Variants in TANC2 observed in about 807,000 individuals in gnomAD.
The protein encoded by TANC2 is protein TANC2.
Under a neutral mutation model 210.5 loss-of-function variants are expected in TANC2, and 26 were observed. That is an observed-to-expected ratio of 0.12 (90% CI 0.09 to 0.17). The LOEUF (loss-of-function observed/expected upper bound fraction) is 0.17, where lower values mean the gene tolerates loss of function less well. TANC2 is among the 10% of genes least tolerant of loss of function. The pLI is 1.00. For missense variants in TANC2, 2,129 were observed against 2,608.9 expected (o/e 0.82, Z 4.01); for synonymous variants, 931 against 967.1 (o/e 0.96, Z 0.69).
intron 18 of TANC2, 49 bp from the exon 19 acceptor site, chr17:63,398,771 TA>T (rs1321791123): frequency 9.9e-6 from 13 of 1,309,122 alleles, no homozygotes; most frequent in Non-Finnish European, 1.4e-5. Flanking sequence ...CTAGTGTCAG[TA>T]GCATAGTTTT....
chr17:63,125,979 G>A (rs2038692497), intron 4 of TANC2, among the ~76,000 whole-genome samples: 1 of 152,152 alleles, frequency 6.6e-6, no homozygotes, highest in Non-Finnish European at 1.5e-5. Context: ...GTGTCCTTGG[G>A]CAAGTAACTT....
chr17:62,988,329 G>A (rs1488840282), intron 1 of TANC2, among the ~76,000 whole-genome samples: 2 of 149,898 alleles, frequency 1.3e-5, no homozygotes, highest in Non-Finnish European at 3.0e-5. Flanking sequence ...GTAGAGATGG[G>A]GTTTCGCCAT....
intron 2 of TANC2, among the ~76,000 whole-genome samples, chr17:63,037,701 C>T (rs536201548): frequency 3.3e-5 from 5 of 152,202 alleles, no homozygotes; most frequent in African/African-American, 9.6e-5. Context: ...GTAATCCCAG[C>T]TACTCGGGAG....
intron 9 of TANC2, among the ~76,000 whole-genome samples, chr17:63,297,019 C>A (rs1358722611): frequency 1.3e-5 from 2 of 151,998 alleles, no homozygotes; most frequent in African/African-American, 4.8e-5. Flanking sequence ...AGCAAACAAA[C>A]AAACTTGAGC....
At chr17:63,394,174 C>G (rs916856387) in intron 17 of TANC2, among the ~76,000 whole-genome samples, 3 of 152,164 alleles carry the variant, frequency 2.0e-5, no homozygotes, top group Admixed American at 2.0e-4. Flanking sequence ...GGAAAGCGAT[C>G]CCTTCTCCCC....
chr17:63,215,902 A>G (rs1350500512), intron 7 of TANC2, among the ~76,000 whole-genome samples: 1 of 152,074 alleles, frequency 6.6e-6, no homozygotes, highest in East Asian at 1.9e-4. Flanking sequence ...GGCGTCCGCC[A>G]CCACGCCCAG....
At chr17:63,076,863 G>A (rs2036589039) in intron 3 of TANC2, among the ~76,000 whole-genome samples, 2 of 151,894 alleles carry the variant, frequency 1.3e-5, no homozygotes, top group African/African-American at 2.4e-5. Context: ...TAGAGCAAAA[G>A]GACAAAAATA....
chr17:63,200,681 T>C, intron 6 of TANC2, 90 bp from the exon 7 acceptor site: 1 of 1,213,992 alleles, frequency 8.2e-7, no homozygotes, highest in Non-Finnish European at 1.1e-6. Flanking sequence ...GCATGTAGTT[T>C]TTTTTTTCAT....
intron 4 of TANC2, among the ~76,000 whole-genome samples, chr17:63,123,256 G>A (rs773313422): frequency 1.8e-4 from 28 of 152,084 alleles, no homozygotes; most frequent in South Asian, 4.2e-4. Flanking sequence ...GTGGTAGGAC[G>A]ATATAAGAGG....
intron 1 of TANC2, among the ~76,000 whole-genome samples, chr17:63,001,493 A>G (rs138564959): frequency 2.8e-4 from 43 of 151,314 alleles, no homozygotes; most frequent in Non-Finnish European, 1.5e-5. Flanking sequence ...AAAAAGATTA[A>G]TAAGACCAGG....
intron 1 of TANC2, among the ~76,000 whole-genome samples, chr17:62,981,693 A>G (rs1167157790): frequency 6.6e-6 from 1 of 152,128 alleles, no homozygotes; most frequent in Non-Finnish European, 1.5e-5. Context: ...TTCAAACACT[A>G]GCTGCAAACT....
intron 8 of TANC2, among the ~76,000 whole-genome samples, chr17:63,265,917 C>G (rs964372924): frequency 1.3e-5 from 2 of 151,938 alleles, no homozygotes; most frequent in African/African-American, 4.8e-5. Context: ...CCTTTTAGTT[C>G]TTTTCACCTT....
chr17:63,274,536 A>G (rs1488308374), intron 9 of TANC2, among the ~76,000 whole-genome samples: 3 of 152,192 alleles, frequency 2.0e-5, no homozygotes, highest in Non-Finnish European at 4.4e-5. Flanking sequence ...AAATTAGGCT[A>G]GGCATGGTGG....
intron 5 of TANC2, among the ~76,000 whole-genome samples, chr17:63,176,322 T>C (rs1234146737): frequency 6.6e-6 from 1 of 152,158 alleles, no homozygotes; most frequent in African/African-American, 2.4e-5. Flanking sequence ...CAACAAAATG[T>C]GGTATCCATA....
At chr17:63,005,893 AGTTTGTGTGTGTGTGTGT>A (rs1328965277) in intron 1 of TANC2, among the ~76,000 whole-genome samples, 17 of 121,114 alleles carry the variant, frequency 1.4e-4, no homozygotes, top group African/African-American at 5.2e-4. Context: ...CTGGCTGTAT[AGTTTGTGTGTGTGTGTGT>A]GTGTGTGTGT....
intron 14 of TANC2, among the ~76,000 whole-genome samples, chr17:63,358,555 A>G (rs1202068675): frequency 2.6e-5 from 4 of 152,094 alleles, no homozygotes; most frequent in African/African-American, 9.7e-5. Flanking sequence ...ACTGTTCATC[A>G]CTGTCAGCCT....
intron 6 of TANC2, among the ~76,000 whole-genome samples, chr17:63,198,524 A>G (rs1380495293): frequency 6.6e-6 from 1 of 152,148 alleles, no homozygotes; most frequent in East Asian, 1.9e-4. Context: ...GAATGACTAT[A>G]GCTATATCTA....
chr17:63,149,546 T>C (rs1187945354), intron 4 of TANC2: 1 of 152,162 alleles, frequency 6.6e-6, no homozygotes, highest in Non-Finnish European at 1.5e-5. Context: ...ACAGTTACTC[T>C]GATGCCATGA....
intron 9 of TANC2, among the ~76,000 whole-genome samples, chr17:63,309,193 G>C (rs1429625411): frequency 6.6e-6 from 1 of 151,628 alleles, no homozygotes; most frequent in African/African-American, 2.4e-5. Flanking sequence ...GTATGTGTTA[G>C]TGTGTGTGTG....
Sources: gnomAD v4.1 joint callset for allele counts (sites outside exome capture counted in the v4.1 genomes callset) on GRCh38, gnomAD v4.1.1 for gene constraint, MANE v1.5 for transcripts, NCBI Gene and HGNC (gene_info 2026-07-23, HGNC 2026-07-21) for gene names.